The following SDK1 variants were observed in gnomAD, a reference collection of about 807,000 sequenced individuals.
SDK1 encodes the protein protein sidekick-1.
Under a neutral mutation model 245.5 loss-of-function variants are expected in SDK1, and 157 were observed. That is an observed-to-expected ratio of 0.64 (90% CI 0.56 to 0.73). The LOEUF (loss-of-function observed/expected upper bound fraction) is 0.73. Among genes scored for constraint, SDK1 ranks in the 30% least tolerant of loss-of-function variants. The pLI, the probability that SDK1 is intolerant of heterozygous loss-of-function variation, is 0.00. For missense variants in SDK1, 3,583 were observed against 3,002.3 expected, an observed-to-expected ratio of 1.19 and a Z score of -4.52; for synonymous variants, 1,647 against 1,278.5, an observed-to-expected ratio of 1.29 and a Z score of -6.15.
chr7:3,375,209 G>A (rs1418822778), intron 1 of SDK1, among the ~76,000 whole-genome samples: 1 of 151,180 alleles, frequency 6.6e-6, no homozygotes, highest in African/African-American at 2.4e-5. Flanking sequence ...TGCATTGTGA[G>A]AAAATTTTAG....
chr7:3,794,859 C>A (rs1402368692), intron 4 of SDK1, among the ~76,000 whole-genome samples: 1 of 152,086 alleles, frequency 6.6e-6, no homozygotes, highest in Non-Finnish European at 1.5e-5. Flanking sequence ...TGTTCTAGAT[C>A]CTCTGTCTGT....
At chr7:4,021,361 C>T (rs1465017395) in intron 17 of SDK1, among the ~76,000 whole-genome samples, 6 of 152,160 alleles carry the variant, frequency 3.9e-5, no homozygotes, top group South Asian at 2.1e-4. Flanking sequence ...TTGTGATCCA[C>T]GTGGCGGGGA....
chr7:3,743,048 G>A (rs550903486), intron 4 of SDK1, among the ~76,000 whole-genome samples: 2 of 152,280 alleles, frequency 1.3e-5, no homozygotes, highest in Admixed American at 1.3e-4. Flanking sequence ...TTGATTGTAC[G>A]GAACTTTCCT....
chr7:4,023,040 C>T (rs963958699), intron 17 of SDK1, among the ~76,000 whole-genome samples: 18 of 152,120 alleles, frequency 1.2e-4, no homozygotes, highest in Non-Finnish European at 2.5e-4. Context: ...TCCCAAAGTG[C>T]TGGGATTACA....
chr7:3,788,048 G>A (rs899438003), intron 4 of SDK1, among the ~76,000 whole-genome samples: 10 of 152,252 alleles, frequency 6.6e-5, no homozygotes, highest in African/African-American at 9.6e-5. Flanking sequence ...CAAACAGCTC[G>A]TGTGCTCCGG....
chr7:4,199,750 G>T (rs1467978368), intron 35 of SDK1, among the ~76,000 whole-genome samples: 1 of 152,142 alleles, frequency 6.6e-6, no homozygotes, highest in East Asian at 1.9e-4. Flanking sequence ...CTCACCTGGA[G>T]TGCTCTGCCT....
At chr7:3,582,782 A>G (rs1441831493) in intron 1 of SDK1, among the ~76,000 whole-genome samples, 1 of 150,362 alleles carries the variant, frequency 6.7e-6, no homozygotes, top group Non-Finnish European at 1.5e-5. Context: ...AAGGAAATAG[A>G]GTTCCCTTTC....
chr7:3,562,580 C>A (rs139707808), intron 1 of SDK1, among the ~76,000 whole-genome samples: 1 of 152,086 alleles, frequency 6.6e-6, no homozygotes, highest in Non-Finnish European at 1.5e-5. Flanking sequence ...AGCCTGTGGA[C>A]GAGGCAGCCA....
intron 22 of SDK1, among the ~76,000 whole-genome samples, chr7:4,094,210 T>C (rs1452466589): frequency 1.3e-5 from 2 of 152,098 alleles, no homozygotes; most frequent in East Asian, 1.9e-4. Flanking sequence ...TACAGGCACC[T>C]GCCACCACAC....
intron 1 of SDK1, among the ~76,000 whole-genome samples, chr7:3,489,922 C>T (rs1449567525): frequency 1.3e-5 from 2 of 152,040 alleles, no homozygotes; most frequent in Middle Eastern, 3.2e-3. Context: ...AATGATATTG[C>T]CAATTACACA....
intron 1 of SDK1, among the ~76,000 whole-genome samples, chr7:3,467,025 CACACAG>C (rs1273841356): frequency 1.4e-5 from 2 of 145,448 alleles, no homozygotes; most frequent in Non-Finnish European, 3.0e-5. Context: ...CACACACACA[CACACAG>C]AGATGTAAAA....
chr7:4,191,475 C>T (rs947687649), intron 35 of SDK1, among the ~76,000 whole-genome samples: 1 of 152,266 alleles, frequency 6.6e-6, no homozygotes, highest in Non-Finnish European at 1.5e-5. Context: ...AGTTTCACTC[C>T]TTAGCCAGCT....
chr7:3,465,113 G>A (rs1465784532), intron 1 of SDK1, among the ~76,000 whole-genome samples: 2 of 152,140 alleles, frequency 1.3e-5, no homozygotes, highest in African/African-American at 4.8e-5. Flanking sequence ...ATTACCGTTA[G>A]GGAGCTCCTT....
intron 13 of SDK1, among the ~76,000 whole-genome samples, chr7:3,975,490 G>A (rs1022171471): frequency 1.1e-4 from 17 of 152,140 alleles, no homozygotes; most frequent in African/African-American, 3.9e-4. Flanking sequence ...AATAGAATTT[G>A]AACACTCCGA....
intron 5 of SDK1, among the ~76,000 whole-genome samples, chr7:3,945,272 C>G (rs748448726): frequency 1.3e-5 from 2 of 152,114 alleles, no homozygotes; most frequent in Admixed American, 6.6e-5. Flanking sequence ...AGCGTCCCTT[C>G]GGAATAATAG....
chr7:3,660,865 T>C (rs555421290), intron 4 of SDK1, among the ~76,000 whole-genome samples: 8 of 152,372 alleles, frequency 5.3e-5, no homozygotes, highest in African/African-American at 1.9e-4. Flanking sequence ...GACTTGCCCA[T>C]TCATTATTAG....
intron 14 of SDK1, among the ~76,000 whole-genome samples, chr7:3,996,133 T>C (rs1369024484): frequency 6.6e-6 from 1 of 152,158 alleles, no homozygotes; most frequent in Non-Finnish European, 1.5e-5. Flanking sequence ...AAATGATCCA[T>C]TTTCCCAACA....
intron 1 of SDK1, among the ~76,000 whole-genome samples, chr7:3,417,578 C>T (rs918318949): frequency 6.6e-6 from 1 of 152,202 alleles, no homozygotes; most frequent in Admixed American, 6.5e-5. Context: ...CAAAAATACC[C>T]TGAGTATCTG....
At chr7:3,408,446 T>C (rs1408786532) in intron 1 of SDK1, among the ~76,000 whole-genome samples, 1 of 152,250 alleles carries the variant, frequency 6.6e-6, no homozygotes, top group Admixed American at 6.5e-5. Flanking sequence ...GAGCATTGGC[T>C]TTAATTATTT....
Sources: gnomAD v4.1 joint callset for allele counts (sites outside exome capture counted in the v4.1 genomes callset) on GRCh38, gnomAD v4.1.1 for gene constraint, MANE v1.5 for transcripts, NCBI Gene and HGNC (gene_info 2026-07-23, HGNC 2026-07-21) for gene names.